ODF2: variants seen among roughly 807,000 people sequenced by gnomAD.
ODF2 encodes outer dense fiber of sperm tails 2, also known as outer dense fiber protein 2.
ODF2 carries 47 observed loss-of-function variants against 110.2 expected under a neutral mutation model. The observed-to-expected ratio is 0.43, with a 90% CI of 0.34 to 0.54. The LOEUF (loss-of-function observed/expected upper bound fraction) is 0.54. Ranked by LOEUF, ODF2 falls within the 20% of genes least tolerant of loss-of-function variation. ODF2 has a pLI of 0.03. For synonymous variants in ODF2, 352 were observed against 397.7 expected, an observed-to-expected ratio of 0.89 and a Z score of 1.37; for missense variants, 812 against 1,054.5, an observed-to-expected ratio of 0.77 and a Z score of 3.19.
intron 8 of ODF2, among the ~76,000 whole-genome samples, chr9:128,475,943 C>T (rs980893069): frequency 5.3e-5 from 8 of 151,900 alleles, no homozygotes; most frequent in African/African-American, 1.9e-4. Context: ...CGCGCCCGGC[C>T]GAGTTCAACT....
intron 4 of ODF2, among the ~76,000 whole-genome samples, chr9:128,462,394 C>A (rs1203665664): frequency 2.0e-5 from 3 of 152,132 alleles, no homozygotes; most frequent in African/African-American, 7.2e-5. Context: ...GGTGATCAGC[C>A]CACCTCAGCC....
exon 21 of ODF2, chr9:128,500,352 GA>G: frequency 1.4e-5 from 17 of 1,224,954 alleles, no homozygotes; most frequent in Non-Finnish European, 2.0e-5. Context: ...CTCTCCCAGT[GA>G]AAAAATGGGT....
At chr9:128,458,427 A>T (rs1393711839) in intron 2 of ODF2, among the ~76,000 whole-genome samples, 1 of 145,272 alleles carries the variant, frequency 6.9e-6, no homozygotes, top group Non-Finnish European at 1.5e-5. Context: ...GGGCCACTGC[A>T]CTCCAGCCTG....
chr9:128,499,435 A>G (rs1846199121), intron 20 of ODF2, among the ~76,000 whole-genome samples: 1 of 151,916 alleles, frequency 6.6e-6, no homozygotes, highest in Admixed American at 6.6e-5. Context: ...GATTACAAGT[A>G]TGTGCCACCA....
rs1342617603 is a variant in ODF2 at position 128,484,900 on chromosome 9, G to A, written c.1290+14G>A. 1.4e-5 allele frequency: 23 copies of A among 1,610,802 alleles called. No homozygotes were observed. Among genetic ancestry groups the A allele is most frequent in the African/African-American group, 4.0e-5 (3 of 74,876 alleles). On this transcript the variant is annotated intron_variant, in intron 12 of 20. Transcript: ENST00000604420. ...CTCGCTGACAAGGTCGCAGGCCCGCGGTGCCCAGCTCCTCACCTGCCCTGA... is the reference window on the plus strand; with the variant it reads ...CTCGCTGACAAGGTCGCAGGCCCGCAGTGCCCAGCTCCTCACCTGCCCTGA...
chr9:128,456,412 CCCGCCCCGCCCACCGGCGCGGGG>C (rs1834793669), intron 1 of ODF2, 157 bp downstream of exon 1: 10 of 1,474,658 alleles, frequency 6.8e-6, no homozygotes, highest in Non-Finnish European at 8.9e-6. Context: ...AACCTGGGCC[CCCGCCCCGCCCACCGGCGCGGGG>C]CCTCTCCTCC....
intron 2 of ODF2, among the ~76,000 whole-genome samples, chr9:128,458,137 TC>T (rs59611494): frequency 1 from 151,583 of 152,162 alleles, 75,509 homozygotes; most frequent in Middle Eastern, 1. Flanking sequence ...CCCTGGTCGC[TC>T]CAGCCTCTCT....
At chr9:128,482,560 G>A (rs962112559) in intron 9 of ODF2, among the ~76,000 whole-genome samples, 1 of 152,040 alleles carries the variant, frequency 6.6e-6, no homozygotes, top group African/African-American at 2.4e-5. Context: ...TTTCTTTGGA[G>A]GATTTTTTTG....
intron 5 of ODF2, 94 bp downstream of exon 5, chr9:128,469,447 C>CT: frequency 7.8e-7 from 1 of 1,275,884 alleles, no homozygotes; most frequent in Non-Finnish European, 1.1e-6. Context: ...CCTGCGTCTG[C>CT]AGGCCTTCAG....
At chr9:128,465,298 C>T (rs1030614846) in intron 4 of ODF2, among the ~76,000 whole-genome samples, 2 of 152,158 alleles carry the variant, frequency 1.3e-5, no homozygotes, top group Non-Finnish European at 2.9e-5. Flanking sequence ...AGGGGAACAG[C>T]CCCTGGAGGT....
rs1845316290 is a variant in ODF2, at chr9:128,494,876, C to T, written c.1911+208C>T. The stretch of plus-strand genomic sequence containing the variant: ...ACAAAGTGATTGTAGTTATAGGAGC[C>T]GTCACTTGCGTGGAGTCACTGGGCC... On this transcript the variant is annotated intron_variant, in intron 17 of 20. Transcript: ENST00000604420. The surrounding 1 kb of genome is among the most constrained non-coding windows in gnomAD (Gnocchi z 4.6). 8 of 1,449,572 alleles carry T rather than the reference C, an allele frequency of 5.5e-6. No individual in the cohort carries two copies. The highest frequency in any genetic ancestry group is 2.4e-5 in the Admixed American group (1 of 40,868). The allele number at this position is 1,449,572 out of a possible 1,614,324, so 89.8% of individuals were successfully genotyped here.
At position 128,494,461 on chromosome 9, in the gene ODF2, T is replaced by G; in HGVS notation, c.1753-49T>G. On this transcript the variant is annotated intron_variant, in intron 16 of 20. Transcript: ENST00000604420. The surrounding 1 kb of genome is among the most constrained non-coding windows in gnomAD (Gnocchi z 4.6). ...CTGGCTCCACTAGGAGCCAGGTCTT[T>G]CCTAACTGTGGGTCTTTCCTTCCTG... The G allele has an allele frequency of 6.3e-7, 1 of 1,583,110 alleles. No individual in the cohort carries two copies.
intron 13 of ODF2, among the ~76,000 whole-genome samples, chr9:128,486,327 T>G (rs1270798123): frequency 6.6e-6 from 1 of 152,166 alleles, no homozygotes; most frequent in African/African-American, 2.4e-5. Flanking sequence ...GAGTTCTCTG[T>G]CTAGTGGGAG....
intron 8 of ODF2, among the ~76,000 whole-genome samples, chr9:128,481,124 G>C (rs751536840): frequency 1.3e-5 from 2 of 152,098 alleles, no homozygotes; most frequent in Non-Finnish European, 2.9e-5. Flanking sequence ...AGCTTTATTA[G>C]CATTCACTAT....
At chr9:128,482,756 C>A in intron 9 of ODF2, 60 bp from the exon 10 acceptor site, 3 of 1,355,842 alleles carry the variant, frequency 2.2e-6, no homozygotes, top group East Asian at 2.3e-5. Flanking sequence ...TCTCTGTCCT[C>A]CCTGGGCCGG....
chr9:128,493,795 ATTTAT>A (rs1019484629), intron 16 of ODF2, among the ~76,000 whole-genome samples: 8 of 151,932 alleles, frequency 5.3e-5, no homozygotes, highest in Admixed American at 5.2e-4. Context: ...GACTTTTAAA[ATTTAT>A]TTTATTTTTT....
intron 9 of ODF2, 69 bp from the exon 10 acceptor site, chr9:128,482,747 C>A: frequency 8.0e-7 from 1 of 1,252,230 alleles, no homozygotes; most frequent in Non-Finnish European, 1.1e-6. Flanking sequence ...ACTCACAAAT[C>A]TCTGTCCTCC....
chr9:128,500,203 A>G (rs1461115699), exon 21 of ODF2: 4 of 1,613,988 alleles, frequency 2.5e-6, no homozygotes, highest in African/African-American at 1.3e-5. Flanking sequence ...GATGGTCCCT[A>G]TTCCACCTTC....
upstream of ODF2, among the ~76,000 whole-genome samples, chr9:128,455,623 G>A (rs1356811212): frequency 1.4e-5 from 2 of 148,074 alleles, no homozygotes; most frequent in African/African-American, 2.5e-5. Flanking sequence ...AGAACAGCAA[G>A]GGGAATGCCG....
Sources: allele counts gnomAD v4.1 joint callset (sites outside exome capture counted in the v4.1 genomes callset), GRCh38; gene constraint gnomAD v4.1.1; non-coding constraint Gnocchi (gnomAD v3.1); transcripts MANE v1.5; gene names NCBI Gene and HGNC (gene_info 2026-07-23, HGNC 2026-07-21).